Variants in POLA1 observed in about 807,000 individuals in gnomAD.
POLA1 encodes the protein DNA polymerase alpha catalytic subunit.
Under a neutral mutation model 124.0 loss-of-function variants are expected in POLA1, and 15 were observed. That is an observed-to-expected ratio of 0.12 (90% CI 0.08 to 0.19). The LOEUF (loss-of-function observed/expected upper bound fraction) is 0.19, where lower values mean the gene tolerates loss of function less well. POLA1 is among the 10% of genes least tolerant of loss of function. The pLI is 1.00. For missense variants in POLA1, 886 were observed against 1,103.4 expected (o/e 0.80, Z 2.79); for synonymous variants, 408 against 389.4 (o/e 1.05, Z -0.56).
At chrX:24,944,866 G>T (rs1319198187) in intron 36 of POLA1, among the ~76,000 whole-genome samples, 2 of 112,307 alleles carry the variant, frequency 1.8e-5, no homozygotes, top group African/African-American at 3.2e-5. Flanking sequence ...GTTTTAGGAA[G>T]GAGGAGCTTC....
intron 35 of POLA1, among the ~76,000 whole-genome samples, chrX:24,904,238 C>T (rs1279455309): frequency 9.0e-6 from 1 of 110,598 alleles, no homozygotes; most frequent in African/African-American, 3.3e-5. Context: ...TAGCGATGAC[C>T]AGATTTCAAG....
At chrX:24,991,295 CA>C (rs1399699400) in intron 36 of POLA1, among the ~76,000 whole-genome samples, 1 of 109,984 alleles carries the variant, frequency 9.1e-6, no homozygotes, top group African/African-American at 3.3e-5. Flanking sequence ...TTTCTTCCGA[CA>C]TGACAAATGC....
chrX:24,827,950 TC>T (rs2046199900), intron 32 of POLA1, among the ~76,000 whole-genome samples: 1 of 112,223 alleles, frequency 8.9e-6, no homozygotes, highest in Non-Finnish European at 1.9e-5. Flanking sequence ...TCACATATTT[TC>T]TGTCCTGCAC....
intron 36 of POLA1, among the ~76,000 whole-genome samples, chrX:24,954,317 G>C (rs1221648191): frequency 8.9e-6 from 1 of 112,303 alleles, no homozygotes; most frequent in Non-Finnish European, 1.9e-5. Flanking sequence ...GGCTTCTGGT[G>C]GTGGTGGAAA....
chrX:24,855,834 G>A (rs894134145), intron 34 of POLA1, among the ~76,000 whole-genome samples: 1 of 110,807 alleles, frequency 9.0e-6, no homozygotes, highest in African/African-American at 3.3e-5. Context: ...CAGAATCCTC[G>A]GATAGGAAAA....
At chrX:24,875,163 A>G (rs1381016037) in intron 34 of POLA1, among the ~76,000 whole-genome samples, 1 of 111,683 alleles carries the variant, frequency 9.0e-6, no homozygotes, top group Non-Finnish European at 1.9e-5. Context: ...AAAAAATCAC[A>G]TTGGAACAGA....
intron 34 of POLA1, among the ~76,000 whole-genome samples, chrX:24,887,360 G>C (rs2047077895): frequency 8.9e-6 from 1 of 112,322 alleles, no homozygotes; most frequent in African/African-American, 3.2e-5. Flanking sequence ...GGAAAATAGT[G>C]ATCAGTTGAA....
intron 36 of POLA1, among the ~76,000 whole-genome samples, chrX:24,950,786 A>G (rs2048027052): frequency 8.9e-6 from 1 of 111,904 alleles, no homozygotes; most frequent in African/African-American, 3.2e-5. Context: ...GTAGATGACT[A>G]AGACCATCTC....
intron 20 of POLA1, among the ~76,000 whole-genome samples, chrX:24,740,667 A>G (rs750258608): frequency 9.0e-6 from 1 of 111,434 alleles, no homozygotes; most frequent in Non-Finnish European, 1.9e-5. Context: ...TCTCTGATCT[A>G]GCCATATTGG....
At chrX:24,925,181 A>G (rs900097577) in intron 35 of POLA1, among the ~76,000 whole-genome samples, 7 of 112,249 alleles carry the variant, frequency 6.2e-5, no homozygotes, top group Non-Finnish European at 1.1e-4. Context: ...TGCTTCTACT[A>G]GAACGTGGTG....
chrX:24,963,755 T>TA (rs1165263120), intron 36 of POLA1, among the ~76,000 whole-genome samples: 1 of 111,758 alleles, frequency 8.9e-6, no homozygotes, highest in Non-Finnish European at 1.9e-5. Flanking sequence ...TAGAATGTTT[T>TA]AAAAAATTCC....
rs747836636 is a variant in POLA1, at chrX:24,888,071, C to T, written c.4113C>T (p.Ser1371=). The change falls in exon 35 of 37, where the codon TCC becomes TCT. Residue 1371 remains serine (S), a synonymous_variant. Transcript: ENST00000379068. ...CTCGTCACCTTCCCCTTCAATTCTCCCGAACTGGGCCTCTTTGCCCAGCCT... is the reference window on the plus strand; with the variant it reads ...CTCGTCACCTTCCCCTTCAATTCTCTCGAACTGGGCCTCTTTGCCCAGCCT... ...NRTRHLPLQF[S]RTGPLCPACM... The T allele has an allele frequency of 8.3e-7, 1 of 1,206,824 alleles. No individual in the cohort carries two copies. The highest frequency in any genetic ancestry group is 1.1e-6 in the Non-Finnish European group (1 of 891,559).
intron 34 of POLA1, among the ~76,000 whole-genome samples, chrX:24,870,585 C>T (rs1411674340): frequency 9.0e-6 from 1 of 111,715 alleles, no homozygotes; most frequent in Non-Finnish European, 1.9e-5. Flanking sequence ...CCTGGAGGAA[C>T]ACTCAGTGAC....
chrX:24,754,891 T>A, intron 26 of POLA1, among the ~76,000 whole-genome samples: 1 of 112,941 alleles, frequency 8.9e-6, no homozygotes, highest in South Asian at 3.6e-4. Context: ...TCATTCATGT[T>A]AACTATTGTA....
intron 26 of POLA1, among the ~76,000 whole-genome samples, chrX:24,805,314 C>G (rs1438275008): frequency 9.0e-6 from 1 of 111,652 alleles, no homozygotes; most frequent in Non-Finnish European, 1.9e-5. Context: ...GCGTGAAGGG[C>G]TCTCACTGAG....
chrX:24,729,475 T>C (rs1297329982), intron 15 of POLA1, among the ~76,000 whole-genome samples: 1 of 112,247 alleles, frequency 8.9e-6, no homozygotes. Context: ...AAATGGTGAT[T>C]TTTTAAAAAT....
In POLA1 at chrX:24,716,411, C is replaced by T; in HGVS notation, c.575C>T (p.Ser192Phe). The T allele has an allele frequency of 8.4e-7, 1 of 1,184,631 alleles. No individual in the cohort carries two copies. Among genetic ancestry groups the T allele is most frequent in the Non-Finnish European group, 1.1e-6 (1 of 870,831 alleles). ...GTAATGATACTGAAGAAGAAAAGAT[C>T]CATTGGAGCTTCACCGAATCCTTTC... is the stretch of plus-strand genomic sequence containing the variant. Reference protein sequence around the residue: ...PPVMILKKKRSIGASPNPFSV... With the variant: ...PPVMILKKKRFIGASPNPFSV... The change falls in exon 7 of 37, where the codon TCC (serine) becomes TTC (phenylalanine). Residue 192 changes from serine (S) to phenylalanine (F), a missense_variant. This residue lies in a region of POLA1 where 337 missense variants were observed against 402.8 expected (regional missense o/e 0.84). Coordinates refer to ENST00000379068, the MANE Select transcript of POLA1 (RefSeq NM_001330360.2).
At chrX:24,800,438 T>G (rs963883482) in intron 26 of POLA1, among the ~76,000 whole-genome samples, 13 of 107,208 alleles carry the variant, frequency 1.2e-4, no homozygotes, top group Non-Finnish European at 2.1e-4. Flanking sequence ...TAGGTTTTTG[T>G]TTTTTTTTTA....
chrX:24,983,554 A>G (rs916716181), intron 36 of POLA1, among the ~76,000 whole-genome samples: 4 of 112,361 alleles, frequency 3.6e-5, no homozygotes, highest in African/African-American at 1.3e-4. Flanking sequence ...ATCAATCAGT[A>G]TTGTTAAGAG....
Sources: gnomAD v4.1 joint callset for allele counts (sites outside exome capture counted in the v4.1 genomes callset) on GRCh38, gnomAD v4.1.1 for gene constraint, gnomAD v4.1.1 regional missense constraint, MANE v1.5 for transcripts, NCBI Gene and HGNC (gene_info 2026-07-23, HGNC 2026-07-21) for gene names.